Variants in RCBTB2 observed in about 807,000 individuals in gnomAD.
RCBTB2 encodes the protein RCC1 and BTB domain-containing protein 2.
Under a neutral mutation model 65.4 loss-of-function variants are expected in RCBTB2, and 55 were observed. That is an observed-to-expected ratio of 0.84 (90% CI 0.68 to 1.05). RCBTB2 has a LOEUF of 1.05. Among genes scored for constraint, RCBTB2 ranks in the 50% least tolerant of loss-of-function variants. The pLI is 0.00. For synonymous variants in RCBTB2, 220 were observed against 255.2 expected (o/e 0.86, Z 1.31); for missense variants, 599 against 680.1 (o/e 0.88, Z 1.33).
intron 14 of RCBTB2, chr13:48,491,549 T>C (rs975881164): frequency 1.3e-5 from 2 of 152,194 alleles, no homozygotes; most frequent in African/African-American, 4.8e-5. Context: ...TGCTTAAATT[T>C]TTAGAAATGA....
chr13:48,526,016 T>C (rs1951711163), intron 1 of RCBTB2, among the ~76,000 whole-genome samples: 1 of 152,192 alleles, frequency 6.6e-6, no homozygotes, highest in Non-Finnish European at 1.5e-5. Context: ...TGTCAATGAA[T>C]TGGTATGCTA....
At chr13:48,521,363 T>C (rs1951414001) in intron 4 of RCBTB2, among the ~76,000 whole-genome samples, 1 of 152,220 alleles carries the variant, frequency 6.6e-6, no homozygotes, top group South Asian at 2.1e-4. Context: ...TAAGCAGATA[T>C]TATGTAAATT....
chr13:48,496,392 C>T, intron 13 of RCBTB2, 71 bp from the exon 14 acceptor site: 1 of 1,412,216 alleles, frequency 7.1e-7, no homozygotes, highest in Admixed American at 2.5e-5. Flanking sequence ...CACTCAGCCA[C>T]TCAGAGATGA....
chr13:48,530,049 C>G (rs1263605362), intron 1 of RCBTB2, among the ~76,000 whole-genome samples: 2 of 151,986 alleles, frequency 1.3e-5, no homozygotes, highest in South Asian at 2.1e-4. Context: ...TGCCACCATG[C>G]CTGGCTCATT....
At chr13:48,532,805 A>C (rs1436518319) in intron 1 of RCBTB2, 1 of 330,670 alleles carries the variant, frequency 3.0e-6, no homozygotes, top group Non-Finnish European at 6.0e-6. Context: ...GTAGCCCCGG[A>C]ACCTAGCTCT....
intron 10 of RCBTB2, among the ~76,000 whole-genome samples, chr13:48,506,298 C>T (rs1000550019): frequency 4.6e-5 from 7 of 152,130 alleles, no homozygotes; most frequent in Non-Finnish European, 7.4e-5. Context: ...AATCCAGAGC[C>T]GAAGAGTTCT....
chr13:48,493,309 A>ACCCTCTCTCT (rs1429120157), intron 14 of RCBTB2, among the ~76,000 whole-genome samples: 1 of 47,810 alleles, frequency 2.1e-5, no homozygotes, highest in Non-Finnish European at 5.3e-5. Flanking sequence ...ACACACACAC[A>ACCCTCTCTCT]CACACACTCT....
At chr13:48,510,294 C>G (rs957892082) in intron 10 of RCBTB2, among the ~76,000 whole-genome samples, 90 of 152,142 alleles carry the variant, frequency 5.9e-4, no homozygotes, top group African/African-American at 2.1e-3. Context: ...ATTGACACCC[C>G]CTTAAGAATG....
chr13:48,532,715 A>C (rs1457951721), intron 1 of RCBTB2: 1 of 293,644 alleles, frequency 3.4e-6, no homozygotes, highest in African/African-American at 2.4e-5. Flanking sequence ...GGCAGGATGT[A>C]GTCGCGAGCA....
chr13:48,503,473 T>C (rs1376903471), intron 10 of RCBTB2, among the ~76,000 whole-genome samples: 1 of 152,228 alleles, frequency 6.6e-6, no homozygotes, highest in East Asian at 1.9e-4. Context: ...GAGAGCAGTT[T>C]CCTAGGATCA....
chr13:48,510,302 A>G (rs1950708941), intron 10 of RCBTB2, among the ~76,000 whole-genome samples: 1 of 152,154 alleles, frequency 6.6e-6, no homozygotes, highest in African/African-American at 2.4e-5. Context: ...CCCCTTAAGA[A>G]TGTAAAACAG....
At chr13:48,527,361 T>TATATATTATATA in intron 1 of RCBTB2, among the ~76,000 whole-genome samples, 1 of 112,446 alleles carries the variant, frequency 8.9e-6, no homozygotes, top group African/African-American at 5.5e-5. Context: ...TGATATATAT[T>TATATATTATATA]TATATATGAT....
chr13:48,492,673 C>T (rs1412171782), intron 14 of RCBTB2: 2 of 152,464 alleles, frequency 1.3e-5, no homozygotes. Context: ...CGGACTTCTT[C>T]CTTCCTGTTT....
At chr13:48,520,566 T>C (rs1478483753) in intron 4 of RCBTB2, among the ~76,000 whole-genome samples, 3 of 152,208 alleles carry the variant, frequency 2.0e-5, no homozygotes, top group South Asian at 2.1e-4. Flanking sequence ...AGACCTGGCA[T>C]CTGTTTGAGA....
chr13:48,497,095 C>T (rs1000687075), intron 13 of RCBTB2, among the ~76,000 whole-genome samples: 1 of 152,196 alleles, frequency 6.6e-6, no homozygotes, highest in Non-Finnish European at 1.5e-5. Flanking sequence ...TCTCTGGTTT[C>T]CTCTTACTCG....
intron 1 of RCBTB2, 151 bp downstream of exon 1, chr13:48,532,877 C>T (rs1275323028): frequency 1.4e-5 from 6 of 414,406 alleles, no homozygotes; most frequent in Middle Eastern, 3.9e-4. Context: ...ACGGTCGCGG[C>T]TCTAGTCCCC....
chr13:48,525,599 T>C (rs931774340), intron 1 of RCBTB2, among the ~76,000 whole-genome samples: 12 of 151,644 alleles, frequency 7.9e-5, no homozygotes, highest in African/African-American at 2.7e-4. Context: ...CCCACTAATT[T>C]CCAGATCACT....
intron 10 of RCBTB2, among the ~76,000 whole-genome samples, chr13:48,504,679 T>C (rs1950403717): frequency 6.6e-6 from 1 of 152,200 alleles, no homozygotes; most frequent in South Asian, 2.1e-4. Flanking sequence ...TAACGTGGTG[T>C]CTTACTGAAT....
intron 12 of RCBTB2, among the ~76,000 whole-genome samples, chr13:48,501,298 T>C (rs7332852): frequency 0.02 from 3,121 of 152,334 alleles, 115 homozygotes; most frequent in African/African-American, 0.072. Flanking sequence ...CTAGCCTCAC[T>C]ATAGACCTTT....
Sources: gnomAD v4.1 joint callset for allele counts (sites outside exome capture counted in the v4.1 genomes callset) on GRCh38, gnomAD v4.1.1 for gene constraint, MANE v1.5 for transcripts, NCBI Gene and HGNC (gene_info 2026-07-23, HGNC 2026-07-21) for gene names.